The following NELL1 variants were observed in gnomAD, a reference collection of about 807,000 sequenced individuals.
NELL1 encodes neural EGFL like 1.
In NELL1, 76 loss-of-function variants were observed where a neutral mutation model predicts 107.4. The observed-to-expected ratio is 0.71, with a 90% CI of 0.59 to 0.86. NELL1 has a LOEUF of 0.86. Ranked by LOEUF, NELL1 falls within the 40% of genes least tolerant of loss-of-function variation. The pLI is 0.00. For synonymous variants in NELL1, 353 were observed against 341.2 expected, an observed-to-expected ratio of 1.03 and a Z score of -0.38; for missense variants, 1,024 against 1,005.5, an observed-to-expected ratio of 1.02 and a Z score of -0.25.
chr11:20,978,061 C>T (rs1358255580), intron 12 of NELL1, among the ~76,000 whole-genome samples: 1 of 152,146 alleles, frequency 6.6e-6, no homozygotes, highest in East Asian at 1.9e-4. Context: ...CTAAGCTTAC[C>T]TAGGAAGTTA....
At chr11:20,737,622 AAGTG>A (rs1452175533) in intron 2 of NELL1, among the ~76,000 whole-genome samples, 1 of 152,098 alleles carries the variant, frequency 6.6e-6, no homozygotes, top group Admixed American at 6.6e-5. Flanking sequence ...AGAGATTAGC[AAGTG>A]ATTGAAACAT....
chr11:21,387,547 A>G (rs1851775009), intron 15 of NELL1, among the ~76,000 whole-genome samples: 1 of 151,902 alleles, frequency 6.6e-6, no homozygotes, highest in Non-Finnish European at 1.5e-5. Context: ...AGTACGGACA[A>G]GATTATAGGA....
In NELL1 at chr11:20,960,545, T is replaced by G. The variant is rs781729488; in HGVS notation, c.1285T>G (p.Ser429Ala). 1 of 1,613,934 alleles carries G rather than the reference T, an allele frequency of 6.2e-7. No individual in the cohort carries two copies. The highest frequency in any genetic ancestry group is 1.3e-5 in the African/African-American group (1 of 75,060). ...TGGTTACATCTCTGTCCAGGGAGAC[T>G]CTGCCTACTGTGAAGGTAAGTAAGC... is the stretch of plus-strand genomic sequence containing the variant. ...KSGYISVQGDSAYCEDIDECA... is the reference protein window; with the variant it reads ...KSGYISVQGDAAYCEDIDECA... The change falls in exon 12 of 20, where the codon TCT becomes GCT. Residue 429 changes from serine (S) to alanine (A), a missense_variant. Transcript: ENST00000357134.
chr11:20,704,868 A>G (rs1217660312), intron 2 of NELL1, among the ~76,000 whole-genome samples: 1 of 152,224 alleles, frequency 6.6e-6, no homozygotes, highest in Non-Finnish European at 1.5e-5. Flanking sequence ...TACACCAATA[A>G]CAGACAAACA....
chr11:20,742,751 C>T lies in NELL1; in HGVS notation c.185-40929C>T, dbSNP rs1017731937. On this transcript the variant is annotated intron_variant, in intron 2 of 19. Transcript: ENST00000357134. Reference sequence around the variant, plus strand: ...ACCTCCTACTGGGTCCCTCCCATGACATGTGGGAATTATGGGAGCTACAAT... The same window carrying T: ...ACCTCCTACTGGGTCCCTCCCATGATATGTGGGAATTATGGGAGCTACAAT... 2.5e-4 allele frequency among the ~76,000 whole-genome samples: 38 copies of T among 152,252 alleles called. 1 individual carries two copies. The highest frequency in any genetic ancestry group is 2.2e-3 in the Admixed American group (33 of 15,304).
At chr11:21,006,767 C>CGCCAAAAGTAT (rs1852336383) in intron 12 of NELL1, among the ~76,000 whole-genome samples, 4 of 152,088 alleles carry the variant, frequency 2.6e-5, no homozygotes, top group African/African-American at 4.8e-5. Context: ...GTTTTGACCA[C>CGCCAAAAGTAT]TGTGATACAA....
chr11:21,142,805 C>T (rs1452211799), intron 13 of NELL1, among the ~76,000 whole-genome samples: 10 of 152,144 alleles, frequency 6.6e-5, no homozygotes, highest in Admixed American at 6.5e-4. Flanking sequence ...ATGATCAAAG[C>T]CCAGCAGCCA....
intron 15 of NELL1, among the ~76,000 whole-genome samples, chr11:21,510,758 T>G (rs1293864627): frequency 1.3e-5 from 2 of 152,204 alleles, no homozygotes; most frequent in Admixed American, 1.3e-4. Flanking sequence ...TGGACCACTC[T>G]GTGCATGATC....
At chr11:21,431,125 C>T (rs967923499) in intron 15 of NELL1, among the ~76,000 whole-genome samples, 2 of 152,028 alleles carry the variant, frequency 1.3e-5, no homozygotes, top group African/African-American at 4.8e-5. Context: ...GAGATACCTG[C>T]TTTATTTCTG....
chr11:21,363,628 A>G (rs552230171), intron 14 of NELL1, among the ~76,000 whole-genome samples: 1 of 152,296 alleles, frequency 6.6e-6, no homozygotes, highest in South Asian at 2.1e-4. Flanking sequence ...CATCTTCCCC[A>G]GAATCTCTTG....
chr11:20,696,796 T>C (rs1044948935), intron 2 of NELL1, among the ~76,000 whole-genome samples: 1 of 152,186 alleles, frequency 6.6e-6, no homozygotes, highest in Non-Finnish European at 1.5e-5. Context: ...ACAGCCACCC[T>C]CCTCAACTCC....
At chr11:20,755,559 T>TTTTATTTTTTTTATTTA (rs1337491294) in intron 2 of NELL1, among the ~76,000 whole-genome samples, 1 of 17,668 alleles carries the variant, frequency 5.7e-5, no homozygotes, top group East Asian at 1.2e-3. Context: ...TGTTTTTGTT[T>TTTTATTTTTTTTATTTA]TTGTTTTTTT....
chr11:21,121,181 G>A lies in NELL1; in HGVS notation c.1426+7467G>A, dbSNP rs141603700. On this transcript the variant is annotated intron_variant, in intron 13 of 19. Coordinates refer to ENST00000357134, the MANE Select transcript of NELL1 (RefSeq NM_006157.5). Reference sequence around the variant, plus strand: ...ATAGAGCAGAAGAACAGAGAGGGTTGGAGTATGGAGAGAATATCAGAGGGA... The same window carrying A: ...ATAGAGCAGAAGAACAGAGAGGGTTAGAGTATGGAGAGAATATCAGAGGGA... 5.6e-3 allele frequency among the ~76,000 whole-genome samples: 860 copies of A among 152,234 alleles called. 8 individuals are homozygous for A. Among genetic ancestry groups the A allele is most frequent in the African/African-American group, 0.019 (770 of 41,546 alleles).
intron 13 of NELL1, among the ~76,000 whole-genome samples, chr11:21,195,322 A>G (rs2133840812): frequency 6.6e-6 from 1 of 152,298 alleles, no homozygotes; most frequent in East Asian, 1.9e-4. Flanking sequence ...TCTTCAGTGA[A>G]CCTGAGTTTG....
rs186875622 is a variant in NELL1, at chr11:21,048,370, A to G, written c.1301-65219A>G. On this transcript the variant is annotated intron_variant, in intron 12 of 19. Transcript: ENST00000357134. ...CCTCAGAATTTTCATATTCATTTAAAAAAGTGAAAGTGTTTTTCATACCTT... is the reference window on the plus strand; with the variant it reads ...CCTCAGAATTTTCATATTCATTTAAGAAAGTGAAAGTGTTTTTCATACCTT... Among the ~76,000 whole-genome samples, 7 of 152,276 alleles carry G rather than the reference A, an allele frequency of 4.6e-5. No homozygotes were observed. The East Asian group carries it at 1.4e-3, about 29-fold the overall frequency.
intron 14 of NELL1, among the ~76,000 whole-genome samples, chr11:21,338,698 CT>C (rs5790175): frequency 6.6e-6 from 1 of 150,870 alleles, no homozygotes; most frequent in Admixed American, 6.6e-5. Context: ...CAAACATTTC[CT>C]TTTTTTTTGT....
intron 13 of NELL1, among the ~76,000 whole-genome samples, chr11:21,116,439 C>T (rs956470257): frequency 2.0e-5 from 3 of 151,924 alleles, no homozygotes; most frequent in Non-Finnish European, 4.4e-5. Context: ...CTAAATGTAT[C>T]GCTCCAGTTC....
At chr11:21,192,448 T>C (rs1419462425) in intron 13 of NELL1, among the ~76,000 whole-genome samples, 1 of 151,936 alleles carries the variant, frequency 6.6e-6, no homozygotes, top group Non-Finnish European at 1.5e-5. Flanking sequence ...GATTTATTTG[T>C]CTCACTGTTT....
At chr11:21,420,307 C>T (rs913029141) in intron 15 of NELL1, among the ~76,000 whole-genome samples, 2 of 151,946 alleles carry the variant, frequency 1.3e-5, no homozygotes, top group East Asian at 1.9e-4. Flanking sequence ...GTAGATTAAA[C>T]AAATCCACTT....
Sources: gnomAD v4.1 joint callset for allele counts (sites outside exome capture counted in the v4.1 genomes callset) on GRCh38, gnomAD v4.1.1 for gene constraint, MANE v1.5 for transcripts, NCBI Gene and HGNC (gene_info 2026-07-23, HGNC 2026-07-21) for gene names.